The following KCNJ6 variants were observed in gnomAD, a reference collection of about 807,000 sequenced individuals.
KCNJ6 encodes potassium inwardly rectifying channel subfamily J member 6.
A neutral mutation model predicts 34.2 loss-of-function variants in KCNJ6; 9 were observed. The observed-to-expected ratio is 0.26, with a 90% confidence interval of 0.16 to 0.46. The LOEUF (loss-of-function observed/expected upper bound fraction) is 0.46. Among genes scored for constraint, KCNJ6 ranks in the 20% least tolerant of loss-of-function variants. The probability of loss-of-function intolerance (pLI) is 1.00; values close to 1 mark genes in which losing one functional copy is unlikely to be tolerated. For missense variants in KCNJ6, 236 were observed against 531.3 expected (o/e 0.44, Z 5.46); for synonymous variants, 196 against 207.1 (o/e 0.95, Z 0.46).
chr21:37,637,024 G>T (rs1223007152), intron 3 of KCNJ6, among the ~76,000 whole-genome samples: 2 of 152,178 alleles, frequency 1.3e-5, no homozygotes, highest in East Asian at 1.9e-4. Context: ...CAAACACCAG[G>T]CTACATAGAT....
intron 2 of KCNJ6, among the ~76,000 whole-genome samples, chr21:37,752,383 A>G (rs575039624): frequency 1.3e-5 from 2 of 152,278 alleles, no homozygotes; most frequent in African/African-American, 4.8e-5. Flanking sequence ...TCTGCCCAGT[A>G]GATTTCTATA....
At chr21:37,694,078 G>A (rs2054652981) in intron 3 of KCNJ6, among the ~76,000 whole-genome samples, 1 of 152,198 alleles carries the variant, frequency 6.6e-6, no homozygotes, top group Non-Finnish European at 1.5e-5. Context: ...CTGCCAGAGG[G>A]GCGTGGGAAG....
intron 1 of KCNJ6, among the ~76,000 whole-genome samples, chr21:37,907,115 G>A (rs2055845512): frequency 6.6e-6 from 1 of 152,178 alleles, no homozygotes; most frequent in Non-Finnish European, 1.5e-5. Context: ...GTTGTAAGGT[G>A]ATGCAAAAAC....
At chr21:37,643,046 A>G (rs923786512) in intron 3 of KCNJ6, among the ~76,000 whole-genome samples, 5 of 152,196 alleles carry the variant, frequency 3.3e-5, no homozygotes, top group African/African-American at 1.2e-4. Flanking sequence ...TAACTGAACA[A>G]TATAGAGCTA....
intron 1 of KCNJ6, among the ~76,000 whole-genome samples, chr21:37,845,311 GA>G (rs1568869458): frequency 6.6e-6 from 1 of 152,204 alleles, no homozygotes; most frequent in Non-Finnish European, 1.5e-5. Flanking sequence ...CTTGTTGGGA[GA>G]AAAGAACTTA....
chr21:37,832,575 T>C (rs1434706789), intron 2 of KCNJ6, among the ~76,000 whole-genome samples: 2 of 152,082 alleles, frequency 1.3e-5, no homozygotes. Flanking sequence ...TTTGTCTTTG[T>C]AGGCAGGTGG....
Position 37,715,087 on chromosome 21 carries a change from G to A in KCNJ6, c.70C>T (p.Pro24Ser). 2 of 1,614,130 alleles carry A rather than the reference G, an allele frequency of 1.2e-6. No individual in the cohort carries two copies. The highest frequency in any genetic ancestry group is 1.7e-6 in the Non-Finnish European group (2 of 1,180,022). ...AACTTTGGCTGGTGAATGGCCACTG[G>A]GCTTTCGACGTCCTGATCCATGGAG... ...GDSMDQDVES[P>S]VAIHQPKLPK... Residue 24 changes from proline to serine, a missense_variant, in exon 3 of 4, where the codon CCA becomes TCA. By Grantham distance (74) the Pro-to-Ser change is moderately conservative (BLOSUM62 -1). Around this residue, in one of 5 missense-constraint regions of KCNJ6, gnomAD observed 64 missense variants for 68.9 expected, o/e 0.93. Coordinates refer to ENST00000609713, the MANE Select transcript of KCNJ6 (RefSeq NM_002240.5).
chr21:37,728,477 T>A (rs1321433987), intron 2 of KCNJ6, among the ~76,000 whole-genome samples: 3 of 152,194 alleles, frequency 2.0e-5, no homozygotes, highest in Admixed American at 6.5e-5. Context: ...AAAAGGAGAT[T>A]GTGCTTAAAC....
chr21:37,908,026 TAA>T (rs2055849948), intron 1 of KCNJ6, among the ~76,000 whole-genome samples: 1 of 152,260 alleles, frequency 6.6e-6, no homozygotes, highest in East Asian at 1.9e-4. Context: ...AAGAGTTTTC[TAA>T]TCCAGTATTA....
At chr21:37,662,870 G>A (rs887127671) in intron 3 of KCNJ6, among the ~76,000 whole-genome samples, 1 of 152,106 alleles carries the variant, frequency 6.6e-6, no homozygotes, top group Admixed American at 6.5e-5. Flanking sequence ...GTGATGTTGA[G>A]TTCTTTTCTC....
rs1029336034 is a variant in KCNJ6 at position 37,894,653 on chromosome 21, T to C, written c.-28+21231A>G. Among the ~76,000 whole-genome samples, 6 of 151,942 alleles carry C rather than the reference T, an allele frequency of 3.9e-5. No individual in the cohort carries two copies. In the South Asian group the frequency reaches 1.2e-3, roughly 32 times the overall value. ...CACTCCAGCCTGGGCGACAGTGAGA[T>C]TCCATCTCAAAAAAAAGAAAAAAAA... On this transcript the variant is annotated intron_variant, in intron 1 of 3. Transcript: ENST00000609713.
At chr21:37,876,973 G>A (rs187571485) in intron 1 of KCNJ6, among the ~76,000 whole-genome samples, 19 of 152,284 alleles carry the variant, frequency 1.2e-4, no homozygotes, top group Non-Finnish European at 1.9e-4. Flanking sequence ...AGTTTTTCTT[G>A]TGGGGTCCAA....
rs2054248692 is a variant in KCNJ6, at chr21:37,613,099, A to G, written c.*12060T>C. The G allele has an allele frequency of 7.2e-6, 1 of 139,852 alleles. No homozygotes were observed. The highest frequency in any genetic ancestry group is 2.6e-5 in the African/African-American group (1 of 37,796). 8.7% of individuals were successfully genotyped at this position (139,852 alleles called of 1,614,324 possible). ...GAACTTTAACAAATCAACAATAAGA[A>G]AACAACCCGATTTAAAAAAATGCCC... On this transcript the variant is annotated 3_prime_UTR_variant, in exon 4 of 4. Transcript: ENST00000609713.
chr21:37,801,342 T>C (rs545627669), intron 2 of KCNJ6, among the ~76,000 whole-genome samples: 2 of 152,292 alleles, frequency 1.3e-5, no homozygotes, highest in Non-Finnish European at 2.9e-5. Flanking sequence ...GCCGCATGCT[T>C]TTCTCCAAGA....
At chr21:37,827,233 G>A (rs187407351) in intron 2 of KCNJ6, among the ~76,000 whole-genome samples, 20 of 152,292 alleles carry the variant, frequency 1.3e-4, no homozygotes, top group African/African-American at 4.8e-4. Flanking sequence ...AGTCCAGGAA[G>A]CAATCACCCT....
chr21:37,790,240 T>C (rs2055210848), intron 2 of KCNJ6, among the ~76,000 whole-genome samples: 1 of 152,226 alleles, frequency 6.6e-6, no homozygotes, highest in South Asian at 2.1e-4. Context: ...GACTAGGAGA[T>C]ATGTTTTCTT....
chr21:37,811,422 C>T (rs922443046), intron 2 of KCNJ6, among the ~76,000 whole-genome samples: 2 of 152,092 alleles, frequency 1.3e-5, no homozygotes, highest in East Asian at 1.9e-4. Flanking sequence ...TGATTGGCAT[C>T]AAAAGTGGGG....
intron 2 of KCNJ6, among the ~76,000 whole-genome samples, chr21:37,809,406 A>C (rs924696366): frequency 6.6e-6 from 1 of 152,056 alleles, no homozygotes; most frequent in Non-Finnish European, 1.5e-5. Context: ...GGATAGCATT[A>C]GGAGATATAC....
chr21:37,774,168 C>T (rs568986158), intron 2 of KCNJ6, among the ~76,000 whole-genome samples: 1 of 152,278 alleles, frequency 6.6e-6, no homozygotes, highest in African/African-American at 2.4e-5. Flanking sequence ...GGTTCTGCCC[C>T]TTGCTAACTG....
Sources: gnomAD v4.1 joint callset for allele counts (sites outside exome capture counted in the v4.1 genomes callset) on GRCh38, gnomAD v4.1.1 for gene constraint, gnomAD v4.1.1 regional missense constraint, MANE v1.5 for transcripts, NCBI Gene and HGNC (gene_info 2026-07-23, HGNC 2026-07-21) for gene names.